The following CCL28 variants were observed in gnomAD, a reference collection of about 807,000 sequenced individuals.
The protein encoded by CCL28 is C-C motif chemokine ligand 28.
A neutral mutation model predicts 7.1 loss-of-function variants in CCL28; 4 were observed. That is an observed-to-expected ratio of 0.56 (90% CI 0.28 to 1.29). CCL28 has a LOEUF of 1.29. Ranked by LOEUF, CCL28 falls within the 50% of genes most tolerant of loss-of-function variation. The probability of loss-of-function intolerance (pLI) is 0.11; values close to 1 mark genes in which losing one functional copy is unlikely to be tolerated. For missense variants in CCL28, 151 were observed against 163.4 expected (o/e 0.92, Z 0.41); for synonymous variants, 55 against 57.8 (o/e 0.95, Z 0.22).
At chr5:43,408,873 AT>A (rs1174286137) in intron 1 of CCL28, among the ~76,000 whole-genome samples, 1 of 146,034 alleles carries the variant, frequency 6.8e-6, no homozygotes, top group Non-Finnish European at 1.5e-5. Flanking sequence ...TGGTAATTTT[AT>A]TTTTTTGGTA....
chr5:43,406,179 A>G (rs1421393990), intron 1 of CCL28, among the ~76,000 whole-genome samples: 1 of 152,004 alleles, frequency 6.6e-6, no homozygotes, highest in Non-Finnish European at 1.5e-5. Flanking sequence ...CCAAAGCCTG[A>G]CAGAGACACA....
intron 1 of CCL28, among the ~76,000 whole-genome samples, chr5:43,392,492 T>A (rs970832074): frequency 4.6e-5 from 7 of 152,324 alleles, no homozygotes; most frequent in Admixed American, 4.6e-4. Context: ...GAACCACCGT[T>A]CTTGAAAAAC....
chr5:43,391,500 T>A (rs1458326505), intron 1 of CCL28, among the ~76,000 whole-genome samples: 1 of 152,226 alleles, frequency 6.6e-6, no homozygotes, highest in African/African-American at 2.4e-5. Flanking sequence ...AATAAATAAA[T>A]GATGACTTAA....
chr5:43,360,492 G>T, the CCL28 span, among the ~76,000 whole-genome samples: 1 of 151,998 alleles, frequency 6.6e-6, no homozygotes, highest in African/African-American at 2.4e-5. Flanking sequence ...ACAGCATTTA[G>T]CTCCCACTTA....
At chr5:43,361,745 A>G in the CCL28 span, among the ~76,000 whole-genome samples, 1 of 152,114 alleles carries the variant, frequency 6.6e-6, no homozygotes, top group Non-Finnish European at 1.5e-5. Flanking sequence ...TTGAATAGGG[A>G]GTCCCTTCCT....
intron 1 of CCL28, among the ~76,000 whole-genome samples, chr5:43,403,465 A>C (rs1175982123): frequency 6.6e-6 from 1 of 152,198 alleles, no homozygotes; most frequent in African/African-American, 2.4e-5. Flanking sequence ...TGTCAGAAGG[A>C]AAACTAACAA....
chr5:43,386,362 C>T (rs1339967317), intron 2 of CCL28, among the ~76,000 whole-genome samples: 3 of 152,200 alleles, frequency 2.0e-5, no homozygotes, highest in African/African-American at 4.8e-5. Flanking sequence ...TGGAGCACCC[C>T]TCAGAATCCT....
the CCL28 span, among the ~76,000 whole-genome samples, chr5:43,365,103 CA>C: frequency 6.8e-6 from 1 of 147,792 alleles, no homozygotes; most frequent in South Asian, 2.1e-4. Context: ...CTCCCTGGTT[CA>C]AGTGATTCTC....
chr5:43,406,870 A>T (rs1029456535), intron 1 of CCL28, among the ~76,000 whole-genome samples: 2 of 152,234 alleles, frequency 1.3e-5, no homozygotes, highest in African/African-American at 4.8e-5. Flanking sequence ...GAGCCAAATC[A>T]TGAGTGAACT....
At chr5:43,391,926 C>A (rs1384964429) in intron 1 of CCL28, among the ~76,000 whole-genome samples, 1 of 151,870 alleles carries the variant, frequency 6.6e-6, no homozygotes, top group Non-Finnish European at 1.5e-5. Flanking sequence ...CATTCTGGCA[C>A]TTTTTAGGCC....
intron 2 of CCL28, among the ~76,000 whole-genome samples, chr5:43,385,786 T>C (rs1247345434): frequency 6.6e-6 from 1 of 152,240 alleles, no homozygotes; most frequent in Non-Finnish European, 1.5e-5. Context: ...CTGATTGGCT[T>C]CCTAGTTCCT....
chr5:43,410,554 C>T (rs1229382572), intron 1 of CCL28, among the ~76,000 whole-genome samples: 1 of 152,096 alleles, frequency 6.6e-6, no homozygotes, highest in Non-Finnish European at 1.5e-5. Context: ...CGTTCCACCC[C>T]ACCGTCTCTA....
chr5:43,397,011 C>G (rs1034867638), intron 1 of CCL28: 1 of 152,294 alleles, frequency 6.6e-6, no homozygotes, highest in African/African-American at 2.4e-5. Flanking sequence ...TCTGCGCGTA[C>G]GCAACCTGCT....
At chr5:43,407,431 G>C (rs1741331919) in intron 1 of CCL28, among the ~76,000 whole-genome samples, 3 of 152,172 alleles carry the variant, frequency 2.0e-5, no homozygotes, top group Admixed American at 2.0e-4. Flanking sequence ...GGGAAAACTG[G>C]CTAGCCATAT....
chr5:43,406,749 G>C (rs183566741), intron 1 of CCL28, among the ~76,000 whole-genome samples: 1 of 152,188 alleles, frequency 6.6e-6, no homozygotes, highest in Non-Finnish European at 1.5e-5. Flanking sequence ...AAACCCCATT[G>C]TCTCAGCCCC....
chr5:43,362,975 C>T, the CCL28 span, among the ~76,000 whole-genome samples: 16 of 152,298 alleles, frequency 1.1e-4, no homozygotes, highest in African/African-American at 3.6e-4. Context: ...CTTATGCAAC[C>T]AGTATGATTT....
At chr5:43,393,289 C>T (rs1740656147) in intron 1 of CCL28, among the ~76,000 whole-genome samples, 1 of 152,072 alleles carries the variant, frequency 6.6e-6, no homozygotes, top group South Asian at 2.1e-4. Context: ...CCACCTTGGC[C>T]TCCCCAAATG....
At chr5:43,359,566 A>G in the CCL28 span, among the ~76,000 whole-genome samples, 2 of 152,230 alleles carry the variant, frequency 1.3e-5, no homozygotes, top group African/African-American at 4.8e-5. Context: ...AACATGTCAC[A>G]GTGCTGCAGA....
chr5:43,412,154 A>C, intron 1 of CCL28, 99 bp downstream of exon 1: 6 of 779,216 alleles, frequency 7.7e-6, no homozygotes, highest in South Asian at 5.6e-5. Context: ...TCCTGCTTGA[A>C]GAGATAGATA....
Sources: gnomAD v4.1 joint callset for allele counts (sites outside exome capture counted in the v4.1 genomes callset) on GRCh38, gnomAD v4.1.1 for gene constraint, MANE v1.5 for transcripts, NCBI Gene and HGNC (gene_info 2026-07-23, HGNC 2026-07-21) for gene names.